GRID2: variants seen among roughly 807,000 people sequenced by gnomAD.
GRID2 encodes glutamate ionotropic receptor delta type subunit 2, also known as glutamate receptor ionotropic, delta-2.
Under a neutral mutation model 114.8 loss-of-function variants are expected in GRID2, and 33 were observed. That is an observed-to-expected ratio of 0.29 (90% CI 0.22 to 0.38). GRID2 has a LOEUF of 0.38. Among genes scored for constraint, GRID2 ranks in the 10% least tolerant of loss-of-function variants. The probability of loss-of-function intolerance (pLI) is 1.00; values close to 1 mark genes in which losing one functional copy is unlikely to be tolerated. For synonymous variants in GRID2, 505 were observed against 449.9 expected (o/e 1.12, Z -1.55); for missense variants, 1,184 against 1,257.7 (o/e 0.94, Z 0.89).
At position 92,419,072 on chromosome 4, in the gene GRID2, G is replaced by A. The variant is rs182326369; in HGVS notation, c.88+114328G>A. ...AGCTTAATTTGCCTCTGCTATAGTG[G>A]GATAGATTTTGAATTATCCTTCTTG... On this transcript the variant is annotated intron_variant, in intron 1 of 15. Transcript: ENST00000282020. Among the ~76,000 whole-genome samples, 5 of 152,052 alleles carry A rather than the reference G, an allele frequency of 3.3e-5. No individual in the cohort carries two copies. The East Asian group carries it at 5.8e-4, about 18-fold the overall frequency.
At chr4:93,199,213 C>G (rs1285631429) in intron 4 of GRID2, among the ~76,000 whole-genome samples, 1 of 152,136 alleles carries the variant, frequency 6.6e-6, no homozygotes, top group Non-Finnish European at 1.5e-5. Context: ...CCAGCAGAAA[C>G]TCACAGAGAA....
chr4:93,098,817 G>C (rs563587399), intron 3 of GRID2, among the ~76,000 whole-genome samples: 1 of 151,976 alleles, frequency 6.6e-6, no homozygotes, highest in African/African-American at 2.4e-5. Context: ...GAGCTAAACA[G>C]TTTATTATGA....
chr4:92,802,172 C>T (rs80080416), intron 2 of GRID2, among the ~76,000 whole-genome samples: 3,456 of 151,886 alleles, frequency 0.023, 96 homozygotes, highest in East Asian at 0.12. Context: ...GCAACATTGA[C>T]TAGAAGGCAC....
intron 2 of GRID2, among the ~76,000 whole-genome samples, chr4:92,966,027 G>A (rs1406863147): frequency 6.6e-6 from 1 of 151,900 alleles, no homozygotes; most frequent in East Asian, 1.9e-4. Flanking sequence ...AAACTTGCCA[G>A]ATTATGTGGC....
chr4:93,223,964 A>G (rs909834338), intron 6 of GRID2, among the ~76,000 whole-genome samples: 1 of 152,148 alleles, frequency 6.6e-6, no homozygotes. Flanking sequence ...ATTAATGTAA[A>G]CACACATTCA....
At chr4:93,173,338 T>C (rs563947507) in intron 4 of GRID2, among the ~76,000 whole-genome samples, 1 of 152,252 alleles carries the variant, frequency 6.6e-6, no homozygotes, top group South Asian at 2.1e-4. Flanking sequence ...ATTAGTGCTA[T>C]AATAGACTAA....
chr4:93,250,574 C>T (rs1412640271), intron 8 of GRID2, among the ~76,000 whole-genome samples: 1 of 148,714 alleles, frequency 6.7e-6, no homozygotes, highest in East Asian at 2.0e-4. Flanking sequence ...TGGTATATTA[C>T]AAAAAAACAA....
intron 2 of GRID2, among the ~76,000 whole-genome samples, chr4:92,910,339 A>G (rs1008498353): frequency 2.6e-5 from 4 of 152,128 alleles, no homozygotes; most frequent in Admixed American, 2.0e-4. Context: ...CTGAGGTGCC[A>G]ATTACTTCAG....
At chr4:92,639,631 G>A (rs1214281361) in intron 2 of GRID2, among the ~76,000 whole-genome samples, 2 of 151,608 alleles carry the variant, frequency 1.3e-5, no homozygotes, top group Non-Finnish European at 2.9e-5. Context: ...ACATTAAGAT[G>A]TTATGAAATG....
At chr4:92,796,062 T>A (rs1296709410) in intron 2 of GRID2, among the ~76,000 whole-genome samples, 4 of 151,990 alleles carry the variant, frequency 2.6e-5, no homozygotes, top group Admixed American at 6.6e-5. Flanking sequence ...TGGATTTTTT[T>A]ATAATGATAT....
At chr4:92,718,960 CCAGTTT>C (rs1055268396) in intron 2 of GRID2, among the ~76,000 whole-genome samples, 10 of 151,414 alleles carry the variant, frequency 6.6e-5, no homozygotes, top group African/African-American at 2.4e-4. Context: ...ATTTTGTGAC[CCAGTTT>C]CTTGATGAAA....
At chr4:92,474,339 A>G (rs1722190590) in intron 1 of GRID2, among the ~76,000 whole-genome samples, 1 of 152,084 alleles carries the variant, frequency 6.6e-6, no homozygotes, top group African/African-American at 2.4e-5. Flanking sequence ...GTTGTCACAA[A>G]TGGCAAGATT....
chr4:92,703,124 A>G (rs936655683), intron 2 of GRID2, among the ~76,000 whole-genome samples: 4 of 152,216 alleles, frequency 2.6e-5, no homozygotes, highest in Admixed American at 6.5e-5. Flanking sequence ...TAGAACAATC[A>G]AGGTGGAAAT....
At chr4:92,501,290 G>T (rs80212070) in intron 1 of GRID2, among the ~76,000 whole-genome samples, 1 of 152,164 alleles carries the variant, frequency 6.6e-6, no homozygotes, top group Non-Finnish European at 1.5e-5. Context: ...TGAGGGGGCA[G>T]GTTATGCCAG....
intron 2 of GRID2, among the ~76,000 whole-genome samples, chr4:93,083,953 A>C (rs1730108441): frequency 6.6e-6 from 1 of 152,110 alleles, no homozygotes; most frequent in Non-Finnish European, 1.5e-5. Flanking sequence ...ATTATATACA[A>C]GAACTTACCA....
chr4:93,460,614 A>G lies in GRID2; in HGVS notation c.1858+4640A>G, dbSNP rs796242955. Among the ~76,000 whole-genome samples, 8 of 152,260 alleles carry G rather than the reference A, an allele frequency of 5.3e-5. No homozygotes were observed. In the South Asian group the frequency reaches 1.2e-3, roughly 24 times the overall value. The stretch of plus-strand genomic sequence containing the variant: ...AACATGTCTCCACCTGAGTCCTTTG[A>G]ATATAAGATAGTGTACTATTTAATC... On this transcript the variant is annotated intron_variant, in intron 11 of 15. Coordinates refer to ENST00000282020, the MANE Select transcript of GRID2 (RefSeq NM_001510.4).
chr4:93,313,842 C>T (rs1045818418), intron 8 of GRID2, among the ~76,000 whole-genome samples: 1 of 152,128 alleles, frequency 6.6e-6, no homozygotes, highest in African/African-American at 2.4e-5. Context: ...GTTTAGAATT[C>T]CTACAGTCAA....
chr4:93,652,076 C>T (rs545719844), intron 14 of GRID2, among the ~76,000 whole-genome samples: 1 of 152,200 alleles, frequency 6.6e-6, no homozygotes, highest in South Asian at 2.1e-4. Context: ...ATTTTGAAGT[C>T]CTAACCTCCA....
chr4:92,541,072 T>TC (rs1484052768), intron 1 of GRID2, among the ~76,000 whole-genome samples: 1 of 151,780 alleles, frequency 6.6e-6, no homozygotes, highest in African/African-American at 2.4e-5. Context: ...ATGTTCTCAC[T>TC]CATAGGTGGG....
Sources: gnomAD v4.1 joint callset for allele counts (sites outside exome capture counted in the v4.1 genomes callset) on GRCh38, gnomAD v4.1.1 for gene constraint, MANE v1.5 for transcripts, NCBI Gene and HGNC (gene_info 2026-07-23, HGNC 2026-07-21) for gene names.